GRIK3: variants seen among roughly 807,000 people sequenced by gnomAD.
GRIK3 encodes glutamate ionotropic receptor kainate type subunit 3.
A neutral mutation model predicts 102.5 loss-of-function variants in GRIK3; 29 were observed. The ratio of observed to expected loss-of-function variants is 0.28; its 90% CI spans 0.21 to 0.39. The LOEUF (loss-of-function observed/expected upper bound fraction) is 0.39. Ranked by LOEUF, GRIK3 falls within the 10% of genes least tolerant of loss-of-function variation. The pLI, the probability that GRIK3 is intolerant of heterozygous loss-of-function variation, is 1.00. For synonymous variants in GRIK3, 511 were observed against 504.9 expected (o/e 1.01, Z -0.16); for missense variants, 908 against 1,252.4 (o/e 0.73, Z 4.15).
chr1:36,853,536 CCT>C (rs1350124429), intron 8 of GRIK3, 77 bp downstream of exon 8: 1 of 917,264 alleles, frequency 1.1e-6, no homozygotes, highest in Non-Finnish European at 1.8e-6. Context: ...TGCCTCTGGG[CCT>C]CTGACTGAGG....
chr1:36,981,957 C>T (rs926717389), intron 1 of GRIK3, among the ~76,000 whole-genome samples: 1 of 152,166 alleles, frequency 6.6e-6, no homozygotes, highest in African/African-American at 2.4e-5. Context: ...TGCAAAGGAA[C>T]ATGAGCTAAT....
chr1:36,819,926 G>T lies in GRIK3; in HGVS notation c.1755-72C>A. ...CCACGCCCCAGCAGGCAGTGGTTTAGCAAACACAGCTGTGCCAGCCGCCTC... is the reference window on the plus strand; with the variant it reads ...CCACGCCCCAGCAGGCAGTGGTTTATCAAACACAGCTGTGCCAGCCGCCTC... On this transcript the variant is annotated intron_variant, in intron 11 of 15. Coordinates refer to ENST00000373091, the MANE Select transcript of GRIK3 (RefSeq NM_000831.4). The surrounding 1 kb of genome is among the most constrained non-coding windows in gnomAD (Gnocchi z 4.1). The T allele has an allele frequency of 1.3e-6, 1 of 780,010 alleles. No homozygotes were observed. The highest frequency in any genetic ancestry group is 2.3e-6 in the Non-Finnish European group (1 of 443,240). The allele number at this position is 780,010 out of a possible 1,614,324, so 48.3% of individuals were successfully genotyped here.
intron 2 of GRIK3, among the ~76,000 whole-genome samples, chr1:36,885,851 A>T (rs887444500): frequency 6.6e-6 from 1 of 152,152 alleles, no homozygotes; most frequent in East Asian, 1.9e-4. Flanking sequence ...TTTTCTGGTC[A>T]TTTTACAGTA....
chr1:36,964,001 G>C (rs759293470), intron 1 of GRIK3, among the ~76,000 whole-genome samples: 2 of 152,212 alleles, frequency 1.3e-5, no homozygotes, highest in Non-Finnish European at 2.9e-5. Flanking sequence ...GACAGGCAAA[G>C]GCCTGGGAGG....
intron 2 of GRIK3, among the ~76,000 whole-genome samples, chr1:36,882,083 C>T (rs1194350325): frequency 4.6e-5 from 7 of 152,172 alleles, no homozygotes; most frequent in Non-Finnish European, 1.0e-4. Flanking sequence ...CCCTGTCCCC[C>T]CATGCCCTGT....
intron 1 of GRIK3, among the ~76,000 whole-genome samples, chr1:36,943,845 A>C (rs1641753520): frequency 6.6e-6 from 1 of 152,150 alleles, no homozygotes; most frequent in Non-Finnish European, 1.5e-5. Flanking sequence ...AGCCAGGGAG[A>C]CCCATCTCTG....
At chr1:36,994,348 C>T (rs749831242) in intron 1 of GRIK3, among the ~76,000 whole-genome samples, 4 of 152,198 alleles carry the variant, frequency 2.6e-5, no homozygotes, top group African/African-American at 4.8e-5. Flanking sequence ...TGCCTTCAAC[C>T]GTTTAACCAT....
chr1:36,875,447 CTT>C (rs957619700), intron 3 of GRIK3, among the ~76,000 whole-genome samples: 1 of 152,222 alleles, frequency 6.6e-6, no homozygotes, highest in African/African-American at 2.4e-5. Flanking sequence ...TGCCATGTAA[CTT>C]TGCAGGGCCC....
Position 36,880,462 on chromosome 1 carries a change from C to A in GRIK3, c.550+172G>T, listed in dbSNP as rs1171067124. Among the ~76,000 whole-genome samples, 2 of 152,036 alleles carry A rather than the reference C, an allele frequency of 1.3e-5. No homozygotes were observed. The highest frequency in any genetic ancestry group is 2.9e-5 in the Non-Finnish European group (2 of 67,998). Reference sequence around the variant, plus strand: ...GAGATATGAGTGCCGCTGGGGTGCACAGGGTGTGAGTGGGTGCAGGGGTGA... The same window carrying A: ...GAGATATGAGTGCCGCTGGGGTGCAAAGGGTGTGAGTGGGTGCAGGGGTGA... On this transcript the variant is annotated intron_variant, in intron 3 of 15. Coordinates refer to ENST00000373091, the MANE Select transcript of GRIK3 (RefSeq NM_000831.4). The surrounding 1 kb of genome is among the most constrained non-coding windows in gnomAD (Gnocchi z 5.4).
At chr1:36,858,196 G>A (rs1438084016) in intron 7 of GRIK3, among the ~76,000 whole-genome samples, 3 of 152,134 alleles carry the variant, frequency 2.0e-5, no homozygotes, top group Non-Finnish European at 4.4e-5. Context: ...TCATCTGCTG[G>A]GATTTGACTC....
intron 1 of GRIK3, among the ~76,000 whole-genome samples, chr1:36,899,032 C>T (rs1458088289): frequency 6.6e-6 from 1 of 152,100 alleles, no homozygotes; most frequent in South Asian, 2.1e-4. Context: ...AAAACTAACT[C>T]AAAATGGATC....
At chr1:36,858,248 C>T (rs1043998373) in intron 7 of GRIK3, among the ~76,000 whole-genome samples, 9 of 152,226 alleles carry the variant, frequency 5.9e-5, no homozygotes, top group African/African-American at 2.2e-4. Context: ...TAGTTTTTCA[C>T]TGTCTTCCCA....
intron 1 of GRIK3, among the ~76,000 whole-genome samples, chr1:36,972,680 T>C (rs1470008538): frequency 6.6e-6 from 1 of 152,188 alleles, no homozygotes; most frequent in Non-Finnish European, 1.5e-5. Flanking sequence ...CCAATCTCTT[T>C]GCTGTTTTCT....
chr1:36,955,917 A>G (rs1239809316), intron 1 of GRIK3, among the ~76,000 whole-genome samples: 1 of 152,260 alleles, frequency 6.6e-6, no homozygotes, highest in African/African-American at 2.4e-5. Context: ...CCTGTGGCCA[A>G]GGCCTTCTTA....
At chr1:36,991,577 G>A (rs1230333641) in intron 1 of GRIK3, among the ~76,000 whole-genome samples, 4 of 152,202 alleles carry the variant, frequency 2.6e-5, no homozygotes, top group Non-Finnish European at 2.9e-5. Context: ...AAAGCAACGT[G>A]CCTACCACAG....
At chr1:36,874,622 A>C (rs1173514835) in intron 3 of GRIK3, among the ~76,000 whole-genome samples, 1 of 152,238 alleles carries the variant, frequency 6.6e-6, no homozygotes, top group Non-Finnish European at 1.5e-5. Context: ...ATTAGGTTGA[A>C]TGATGCTTCC....
chr1:36,965,307 A>C (rs1452026563), intron 1 of GRIK3, among the ~76,000 whole-genome samples: 1 of 152,212 alleles, frequency 6.6e-6, no homozygotes, highest in Non-Finnish European at 1.5e-5. Context: ...TTCCAAGTTG[A>C]CCAAGGCAGG....
chr1:37,010,161 C>G (rs1642579141), intron 1 of GRIK3, among the ~76,000 whole-genome samples: 1 of 152,188 alleles, frequency 6.6e-6, no homozygotes, highest in South Asian at 2.1e-4. Context: ...TGCTTCTCTT[C>G]TAGCCAGCTG....
chr1:36,826,680 T>TAAAAAAAAAAAAAAAAA (rs57217516), intron 10 of GRIK3, among the ~76,000 whole-genome samples: 1 of 108,092 alleles, frequency 9.3e-6, no homozygotes. Flanking sequence ...TTTCAAAAAA[T>TAAAAAAAAAAAAAAAAA]AAAAAAAAAA....
Sources: gnomAD v4.1 joint callset for allele counts (sites outside exome capture counted in the v4.1 genomes callset) on GRCh38, gnomAD v4.1.1 for gene constraint, Gnocchi (gnomAD v3.1) non-coding constraint, MANE v1.5 for transcripts, NCBI Gene and HGNC (gene_info 2026-07-23, HGNC 2026-07-21) for gene names.